The following HSD17B12 variants were observed in gnomAD, a reference collection of about 807,000 sequenced individuals.
The protein encoded by HSD17B12 is very-long-chain 3-oxoacyl-CoA reductase.
HSD17B12 carries 32 observed loss-of-function variants against 39.3 expected under a neutral mutation model. The ratio of observed to expected loss-of-function variants is 0.81; its 90% CI spans 0.61 to 1.09. The LOEUF is 1.09. HSD17B12 is among the 50% of genes least tolerant of loss of function. The pLI is 0.00. For missense variants in HSD17B12, 342 were observed against 382.9 expected (o/e 0.89, Z 0.89); for synonymous variants, 150 against 146.7 (o/e 1.02, Z -0.16).
At chr11:43,709,877 CTA>C (rs1950049168) in intron 1 of HSD17B12, among the ~76,000 whole-genome samples, 1 of 152,098 alleles carries the variant, frequency 6.6e-6, no homozygotes, top group African/African-American at 2.4e-5. Context: ...TGAATGGTGA[CTA>C]TGTGTGACTG....
chr11:43,606,616 C>T, the HSD17B12 span, among the ~76,000 whole-genome samples: 4 of 152,198 alleles, frequency 2.6e-5, no homozygotes, highest in African/African-American at 7.2e-5. Flanking sequence ...ACTGCATTCA[C>T]CCAGCAATGA....
At chr11:43,737,923 A>T (rs1590707051) in intron 1 of HSD17B12, among the ~76,000 whole-genome samples, 1 of 152,154 alleles carries the variant, frequency 6.6e-6, no homozygotes, top group East Asian at 1.9e-4. Flanking sequence ...AATACAAAAA[A>T]TTAGCCAGGC....
intron 3 of HSD17B12, among the ~76,000 whole-genome samples, chr11:43,790,559 C>T (rs762453860): frequency 3.9e-5 from 6 of 152,090 alleles, no homozygotes; most frequent in African/African-American, 1.4e-4. Context: ...GATCTGATAA[C>T]CAAGAGAGAT....
chr11:43,656,411 T>G, the HSD17B12 span, among the ~76,000 whole-genome samples: 1 of 152,212 alleles, frequency 6.6e-6, no homozygotes, highest in Non-Finnish European at 1.5e-5. Flanking sequence ...TCAGTTCTGC[T>G]CTGATCTTAG....
At chr11:43,612,184 A>G in the HSD17B12 span, among the ~76,000 whole-genome samples, 1 of 152,154 alleles carries the variant, frequency 6.6e-6, no homozygotes, top group African/African-American at 2.4e-5. Context: ...TGAAAGCTGT[A>G]TTTATGAAAT....
At chr11:43,661,727 T>C in the HSD17B12 span, among the ~76,000 whole-genome samples, 1 of 152,184 alleles carries the variant, frequency 6.6e-6, no homozygotes, top group Non-Finnish European at 1.5e-5. Context: ...TTATTTATAA[T>C]AGCTAAATAC....
chr11:43,563,194 T>C, the HSD17B12 span, among the ~76,000 whole-genome samples: 1 of 152,172 alleles, frequency 6.6e-6, no homozygotes, highest in East Asian at 1.9e-4. Flanking sequence ...TATGGCCCAT[T>C]ATGGAAGGCC....
the HSD17B12 span, among the ~76,000 whole-genome samples, chr11:43,656,830 C>T: frequency 6.6e-6 from 1 of 152,050 alleles, no homozygotes; most frequent in Non-Finnish European, 1.5e-5. Context: ...ACTATGTGGT[C>T]AATTTTGGAA....
At chr11:43,586,159 A>G in the HSD17B12 span, among the ~76,000 whole-genome samples, 12 of 152,176 alleles carry the variant, frequency 7.9e-5, no homozygotes, top group African/African-American at 2.7e-4. Flanking sequence ...ATCCATAAAC[A>G]TAATCCAGGA....
chr11:43,673,865 A>G, the HSD17B12 span, among the ~76,000 whole-genome samples: 1 of 152,134 alleles, frequency 6.6e-6, no homozygotes, highest in Admixed American at 6.5e-5. Context: ...ATATGATTTC[A>G]TAGTCACACC....
At chr11:43,601,793 A>G in the HSD17B12 span, among the ~76,000 whole-genome samples, 1 of 152,166 alleles carries the variant, frequency 6.6e-6, no homozygotes, top group African/African-American at 2.4e-5. Flanking sequence ...ACTGCTTCCC[A>G]GTGAAGAAGA....
chr11:43,801,226 G>T (rs577122182), intron 4 of HSD17B12, among the ~76,000 whole-genome samples: 1 of 152,234 alleles, frequency 6.6e-6, no homozygotes, highest in African/African-American at 2.4e-5. Flanking sequence ...ATAATTATCT[G>T]TGGGATAAGT....
At chr11:43,733,906 G>A (rs1400862620) in intron 1 of HSD17B12, 3 of 686,908 alleles carry the variant, frequency 4.4e-6, no homozygotes, top group Non-Finnish European at 8.1e-6. Flanking sequence ...GGACATTGTA[G>A]TAGGGGAAGG....
the HSD17B12 span, among the ~76,000 whole-genome samples, chr11:43,608,106 C>T: frequency 5.9e-5 from 9 of 152,154 alleles, no homozygotes; most frequent in Non-Finnish European, 1.3e-4. Context: ...CGGTGGCTCA[C>T]GTCTGCAATC....
At chr11:43,576,853 C>A in the HSD17B12 span, among the ~76,000 whole-genome samples, 1 of 152,064 alleles carries the variant, frequency 6.6e-6, no homozygotes, top group Admixed American at 6.5e-5. Context: ...CCTGACGAAT[C>A]TCTGAATCAA....
chr11:43,612,530 T>C, the HSD17B12 span, among the ~76,000 whole-genome samples: 1 of 152,140 alleles, frequency 6.6e-6, no homozygotes, highest in African/African-American at 2.4e-5. Flanking sequence ...GAGTGTCTAA[T>C]ATATGCCAGG....
At chr11:43,671,135 G>A in the HSD17B12 span, among the ~76,000 whole-genome samples, 3 of 152,022 alleles carry the variant, frequency 2.0e-5, no homozygotes, top group Non-Finnish European at 4.4e-5. Context: ...AAGATATTAT[G>A]GTTTACTTTC....
chr11:43,650,351 T>C, the HSD17B12 span, among the ~76,000 whole-genome samples: 1 of 152,108 alleles, frequency 6.6e-6, no homozygotes. Context: ...TACAATAGGC[T>C]AACAACATGA....
the HSD17B12 span, among the ~76,000 whole-genome samples, chr11:43,656,670 T>G: frequency 3.3e-5 from 5 of 152,206 alleles, no homozygotes; most frequent in African/African-American, 1.2e-4. Context: ...CCAGTAGTCA[T>G]TCAGGAGCAG....
Sources: gnomAD v4.1 joint callset for allele counts (sites outside exome capture counted in the v4.1 genomes callset) on GRCh38, gnomAD v4.1.1 for gene constraint, MANE v1.5 for transcripts, NCBI Gene and HGNC (gene_info 2026-07-23, HGNC 2026-07-21) for gene names.